The following NTRK2 variants were observed in gnomAD, a reference collection of about 807,000 sequenced individuals.
NTRK2 encodes the protein BDNF/NT-3 growth factors receptor.
In NTRK2, 13 loss-of-function variants were observed where a neutral mutation model predicts 94.5. The observed-to-expected ratio is 0.14, with a 90% CI of 0.09 to 0.22. NTRK2 has a LOEUF of 0.22. NTRK2 is among the 10% of genes least tolerant of loss of function. The pLI, the probability that NTRK2 is intolerant of heterozygous loss-of-function variation, is 1.00. For missense variants in NTRK2, 639 were observed against 1,071.2 expected (o/e 0.60, Z 5.63); for synonymous variants, 372 against 407.4 (o/e 0.91, Z 1.05).
At chr9:84,808,008 C>T (rs117979333) in intron 12 of NTRK2, among the ~76,000 whole-genome samples, 1 of 152,214 alleles carries the variant, frequency 6.6e-6, no homozygotes, top group East Asian at 1.9e-4. Context: ...AGAAAAATGC[C>T]GTATGTGTTT....
intron 6 of NTRK2, among the ~76,000 whole-genome samples, chr9:84,716,039 A>C (rs1356481036): frequency 6.6e-6 from 1 of 152,210 alleles, no homozygotes; most frequent in African/African-American, 2.4e-5. Flanking sequence ...CCTCTGGGTC[A>C]TATCAAAAGA....
chr9:84,849,181 A>G (rs2074625956), intron 12 of NTRK2, among the ~76,000 whole-genome samples: 1 of 152,156 alleles, frequency 6.6e-6, no homozygotes, highest in Non-Finnish European at 1.5e-5. Flanking sequence ...TGCACATACA[A>G]CACAGTTTGG....
At chr9:84,701,897 G>A (rs938657336) in intron 2 of NTRK2, among the ~76,000 whole-genome samples, 1 of 152,222 alleles carries the variant, frequency 6.6e-6, no homozygotes, top group Non-Finnish European at 1.5e-5. Flanking sequence ...GGAAAGAAAA[G>A]TGAAATTGTT....
At chr9:84,992,083 G>T (rs1564531516) in intron 17 of NTRK2, among the ~76,000 whole-genome samples, 2 of 152,094 alleles carry the variant, frequency 1.3e-5, no homozygotes, top group Non-Finnish European at 2.9e-5. Context: ...ACCCTTCAAG[G>T]TCTCATATAT....
intron 9 of NTRK2, 121 bp downstream of exon 9, chr9:84,728,080 G>A (rs1442752975): frequency 1.1e-6 from 1 of 883,252 alleles, no homozygotes; most frequent in African/African-American, 1.7e-5. Context: ...ATTATTTAGT[G>A]TTGCTCATGG....
At chr9:84,815,645 A>C in intron 12 of NTRK2, 3 of 991,176 alleles carry the variant, frequency 3.0e-6, no homozygotes, top group Middle Eastern at 4.9e-4. Flanking sequence ...TAGATAGATC[A>C]TAAATGTACT....
rs1389086983 is a variant in NTRK2, at chr9:85,026,822, G to C, written c.*5385G>C. ...ATCTTCCTTTTAATGTGATGTCTCT[G>C]TGCTAATACTTACCAGTTCTTGTTT... On this transcript the variant is annotated 3_prime_UTR_variant, in exon 19 of 19. Transcript: ENST00000277120. 1.7e-5 allele frequency: 4 copies of C among 232,758 alleles called. No homozygotes were observed. The highest frequency in any genetic ancestry group is 8.8e-5 in the African/African-American group (4 of 45,246). The allele number at this position is 232,758 out of a possible 1,614,324, so 14.4% of individuals were successfully genotyped here.
At chr9:84,886,756 C>T (rs1429246648) in intron 14 of NTRK2, among the ~76,000 whole-genome samples, 1 of 152,172 alleles carries the variant, frequency 6.6e-6, no homozygotes, top group Non-Finnish European at 1.5e-5. Flanking sequence ...AGCTTAAAAC[C>T]AGTTCTTGCT....
intron 4 of NTRK2, among the ~76,000 whole-genome samples, chr9:84,704,018 C>A (rs2060889234): frequency 6.6e-6 from 1 of 152,154 alleles, no homozygotes; most frequent in Non-Finnish European, 1.5e-5. Context: ...AATTACTCAA[C>A]AACTGCATTT....
chr9:84,799,138 C>T (rs2070059969), intron 12 of NTRK2, among the ~76,000 whole-genome samples: 1 of 151,954 alleles, frequency 6.6e-6, no homozygotes, highest in Non-Finnish European at 1.5e-5. Context: ...TCCATCTTCA[C>T]ATCAATCAAG....
chr9:84,893,041 A>G (rs1364498615), intron 14 of NTRK2, among the ~76,000 whole-genome samples: 2 of 150,508 alleles, frequency 1.3e-5, no homozygotes, highest in East Asian at 3.9e-4. Context: ...TAAAAGTTGC[A>G]TGCAATGAAA....
intron 14 of NTRK2, chr9:84,873,531 G>T (rs1030641999): frequency 9.5e-6 from 10 of 1,057,290 alleles, no homozygotes; most frequent in Non-Finnish European, 8.0e-6. Flanking sequence ...ACAACAATTT[G>T]ATATCATATT....
chr9:84,990,844 A>T (rs890068490), intron 17 of NTRK2, among the ~76,000 whole-genome samples: 6 of 152,190 alleles, frequency 3.9e-5, no homozygotes, highest in African/African-American at 1.4e-4. Context: ...GAATGAATGG[A>T]AGTGTTTCAG....
chr9:84,886,601 G>A (rs1030966158), intron 14 of NTRK2, among the ~76,000 whole-genome samples: 1 of 152,334 alleles, frequency 6.6e-6, no homozygotes, highest in East Asian at 1.9e-4. Context: ...TTGCTGCAAA[G>A]TGGTATCTGA....
chr9:84,810,885 A>G (rs990511383), intron 12 of NTRK2: 6 of 1,250,028 alleles, frequency 4.8e-6, no homozygotes, highest in East Asian at 3.1e-5. Flanking sequence ...ATGAAATCCC[A>G]TTGGATTGTA....
rs74672278 is a variant in NTRK2 at position 84,979,354 on chromosome 9, G to A, written c.2172+23837G>A. 6.5e-3 allele frequency among the ~76,000 whole-genome samples: 995 copies of A among 152,274 alleles called. 7 individuals carry two copies. The highest frequency in any genetic ancestry group is 0.011 in the Admixed American group (170 of 15,288). ...CCCTTGTAGATGACTTTGAGGGAGG[G>A]ATTCAAGACTTCAGTGGAAGAACTC... is the stretch of plus-strand genomic sequence containing the variant. On this transcript the variant is annotated intron_variant, in intron 17 of 18. Coordinates refer to ENST00000277120, the MANE Select transcript of NTRK2 (RefSeq NM_006180.6).
chr9:84,851,983 G>A (rs984567003), intron 12 of NTRK2, among the ~76,000 whole-genome samples: 1 of 152,208 alleles, frequency 6.6e-6, no homozygotes, highest in South Asian at 2.1e-4. Flanking sequence ...CACATTTAAT[G>A]TGGTAACAAA....
intron 17 of NTRK2, among the ~76,000 whole-genome samples, chr9:84,984,128 A>G (rs190198489): frequency 2.6e-5 from 4 of 152,322 alleles, no homozygotes; most frequent in Admixed American, 2.6e-4. Context: ...ATTCCAGGGC[A>G]GTGGTTTTCA....
rs1587815571 is a variant in NTRK2 at position 84,670,432 on chromosome 9, A to G, written c.-317A>G. 2.2e-6 allele frequency: 1 copy of G among 458,920 alleles called. No individual in the cohort carries two copies. 28.4% of individuals were successfully genotyped at this position (458,920 alleles called of 1,614,324 possible). On this transcript the variant is annotated 5_prime_UTR_variant, in exon 2 of 19. Transcript: ENST00000277120. Reference sequence around the variant, plus strand: ...ATCTAACAAGGAATCTGCGCCCCAGAGAGTCCCGGGAGCGCCGCCGGTCGG... The same window carrying G: ...ATCTAACAAGGAATCTGCGCCCCAGGGAGTCCCGGGAGCGCCGCCGGTCGG...
Sources: gnomAD v4.1 joint callset for allele counts (sites outside exome capture counted in the v4.1 genomes callset) on GRCh38, gnomAD v4.1.1 for gene constraint, MANE v1.5 for transcripts, NCBI Gene and HGNC (gene_info 2026-07-23, HGNC 2026-07-21) for gene names.